The following RIMKLB variants were observed in gnomAD, a reference collection of about 807,000 sequenced individuals.
The protein encoded by RIMKLB is beta-citrylglutamate synthase B.
RIMKLB carries 7 observed loss-of-function variants against 32.0 expected under a neutral mutation model. That is an observed-to-expected ratio of 0.22 (90% CI 0.12 to 0.41). The LOEUF is 0.41. Among genes scored for constraint, RIMKLB ranks in the 10% least tolerant of loss-of-function variants. RIMKLB has a pLI of 1.00. For missense variants in RIMKLB, 289 were observed against 498.7 expected (o/e 0.58, Z 4.00); for synonymous variants, 172 against 185.1 (o/e 0.93, Z 0.57).
At chr12:8,723,895 A>G (rs1945725706) in intron 2 of RIMKLB, among the ~76,000 whole-genome samples, 1 of 144,516 alleles carries the variant, frequency 6.9e-6, no homozygotes, top group Non-Finnish European at 1.5e-5. Context: ...GCTCACTGCA[A>G]CCTCTTGCCT....
chr12:8,735,249 A>G (rs1946891461), intron 2 of RIMKLB, among the ~76,000 whole-genome samples: 1 of 151,736 alleles, frequency 6.6e-6, no homozygotes, highest in Non-Finnish European at 1.5e-5. Flanking sequence ...TTTCTTTTTT[A>G]CATGGATCCT....
chr12:8,697,282 C>CA (rs1425919546), upstream of RIMKLB: 5 of 152,200 alleles, frequency 3.3e-5, no homozygotes, highest in Non-Finnish European at 5.9e-5. Flanking sequence ...ATTTGCCTCT[C>CA]AATATACAGA....
At chr12:8,670,741 G>T in the RIMKLB span, among the ~76,000 whole-genome samples, 299 of 152,384 alleles carry the variant, frequency 2.0e-3, 1 homozygote, top group Non-Finnish European at 3.3e-3. Context: ...AGGACTTTGT[G>T]TGGGGGCTCC....
intron 2 of RIMKLB, among the ~76,000 whole-genome samples, chr12:8,726,980 A>G (rs1409856391): frequency 6.6e-6 from 1 of 152,004 alleles, no homozygotes; most frequent in African/African-American, 2.4e-5. Flanking sequence ...GTAGCTTTTT[A>G]AAGTGGTTAC....
At chr12:8,715,093 A>G (rs1400360036) in intron 2 of RIMKLB, among the ~76,000 whole-genome samples, 1 of 152,166 alleles carries the variant, frequency 6.6e-6, no homozygotes, top group East Asian at 1.9e-4. Context: ...ACTAAGTATA[A>G]TCTCTTAGCA....
At chr12:8,765,444 C>A (rs1222068606) in intron 5 of RIMKLB, among the ~76,000 whole-genome samples, 1 of 152,168 alleles carries the variant, frequency 6.6e-6, no homozygotes, top group Non-Finnish European at 1.5e-5. Flanking sequence ...TCTCGGGCTG[C>A]AGTTATGGCG....
At position 8,713,903 on chromosome 12, in the gene RIMKLB, A is replaced by G; in HGVS notation, c.37A>G (p.Thr13Ala). 6.2e-7 allele frequency: 1 copy of G among 1,614,150 alleles called. No individual in the cohort carries two copies. The highest frequency in any genetic ancestry group is 2.2e-5 in the East Asian group (1 of 44,882). The change falls in exon 2 of 6, where the codon ACA (threonine) becomes GCA (alanine). Residue 13 changes from threonine to alanine, a missense_variant. This residue lies in a region of RIMKLB where 34 missense variants were observed against 35.3 expected (regional missense o/e 0.96). Coordinates refer to ENST00000535829, the MANE Select transcript of RIMKLB (RefSeq NM_001297776.2). ...SSVAAKLWFL[T>A]DRRIREDYPQ... ...TGTGGCTGCCAAGTTGTGGTTTTTGACAGATCGTCGCATCAGGGAAGACTA... is the reference window on the plus strand; with the variant it reads ...TGTGGCTGCCAAGTTGTGGTTTTTGGCAGATCGTCGCATCAGGGAAGACTA...
chr12:8,734,884 TC>T (rs761545804), intron 2 of RIMKLB, among the ~76,000 whole-genome samples: 1 of 152,202 alleles, frequency 6.6e-6, no homozygotes, highest in Non-Finnish European at 1.5e-5. Context: ...TCTTCGATGT[TC>T]CAGTTAGCCA....
intron 1 of RIMKLB, among the ~76,000 whole-genome samples, chr12:8,688,682 T>C (rs190148300): frequency 1.1e-4 from 17 of 149,038 alleles, no homozygotes; most frequent in Admixed American, 8.7e-4. Context: ...GAAATGAGCA[T>C]TACTGTTTTT....
rs779904303 is a variant in RIMKLB, at chr12:8,771,432, A to G, written c.698-1889A>G. On this transcript the variant is annotated intron_variant, in intron 5 of 5. Coordinates refer to ENST00000535829, the MANE Select transcript of RIMKLB (RefSeq NM_001297776.2). ...TGCCCCAACATTATAACAAAAGACT[A>G]TAACAAGGGCTGTTGGAGTGATATG... Among the ~76,000 whole-genome samples, 37 of 152,298 alleles carry G rather than the reference A, an allele frequency of 2.4e-4. No individual in the cohort carries two copies. The South Asian group carries it at 2.7e-3, about 11-fold the overall frequency.
At chr12:8,716,421 A>G (rs1835573819) in intron 2 of RIMKLB, among the ~76,000 whole-genome samples, 1 of 132,020 alleles carries the variant, frequency 7.6e-6, no homozygotes, top group African/African-American at 2.9e-5. Context: ...TAGCCTTACC[A>G]TTAACATGTC....
intron 5 of RIMKLB, among the ~76,000 whole-genome samples, chr12:8,770,699 C>T (rs890549624): frequency 4.6e-5 from 7 of 152,162 alleles, no homozygotes; most frequent in African/African-American, 1.7e-4. Context: ...ACATGGAACA[C>T]TTATTTGACC....
chr12:8,747,115 C>G (rs747081869), intron 2 of RIMKLB, among the ~76,000 whole-genome samples: 30 of 152,182 alleles, frequency 2.0e-4, no homozygotes, highest in Admixed American at 7.2e-4. Context: ...TGCTTCTGGT[C>G]CCTACTATAC....
intron 1 of RIMKLB, among the ~76,000 whole-genome samples, chr12:8,704,424 A>G (rs1943669791): frequency 6.6e-6 from 1 of 152,156 alleles, no homozygotes; most frequent in African/African-American, 2.4e-5. Context: ...ATGGCATTTT[A>G]TAAACTCAGA....
In RIMKLB at chr12:8,736,104, T is replaced by C. The variant is rs533080183; in HGVS notation, c.176-13758T>C. ...AACCAATTTTGTTACAACTGAAAGATTTCTTCCTCACATGGTAGTGTTTTC... is the reference window on the plus strand; with the variant it reads ...AACCAATTTTGTTACAACTGAAAGACTTCTTCCTCACATGGTAGTGTTTTC... On this transcript the variant is annotated intron_variant, in intron 2 of 5. Transcript: ENST00000535829. 1.1e-3 allele frequency among the ~76,000 whole-genome samples: 167 copies of C among 152,332 alleles called. 1 individual carries two copies. The highest frequency in any genetic ancestry group is 1.8e-3 in the Admixed American group (27 of 15,294).
Position 8,773,522 on chromosome 12 carries a change from C to G in RIMKLB, c.899C>G (p.Ala300Gly). ...AATCTAGATGTAGCTGGTATCATAG[C>G]AGACTATGCCGCCTCCCTTCTACCC... ...ACNLDVAGII[A>G]DYAASLLPSG... The change falls in exon 6 of 6, where the codon GCA (alanine) becomes GGA (glycine). Residue 300 changes from alanine (A) to glycine (G), a missense_variant. Ala to Gly is a moderately conservative substitution (Grantham distance 60). Around this residue, in one of 3 missense-constraint regions of RIMKLB, gnomAD observed 99 missense variants for 133.9 expected, o/e 0.74. Coordinates refer to ENST00000535829, the MANE Select transcript of RIMKLB (RefSeq NM_001297776.2). The G allele has an allele frequency of 6.2e-7, 1 of 1,614,236 alleles. No homozygotes were observed. The highest frequency in any genetic ancestry group is 8.5e-7 in the Non-Finnish European group (1 of 1,180,030).
intron 2 of RIMKLB, among the ~76,000 whole-genome samples, chr12:8,715,499 C>T (rs1043087161): frequency 2.0e-5 from 3 of 152,162 alleles, no homozygotes; most frequent in East Asian, 3.8e-4. Context: ...GCTGAGATTA[C>T]AGGCATGAGG....
At chr12:8,738,565 T>C (rs1244851319) in intron 2 of RIMKLB, among the ~76,000 whole-genome samples, 1 of 152,238 alleles carries the variant, frequency 6.6e-6, no homozygotes, top group Admixed American at 6.5e-5. Context: ...TGTTTTCTTC[T>C]TGACTATTCA....
At chr12:8,744,000 G>C (rs1947838912) in intron 2 of RIMKLB, among the ~76,000 whole-genome samples, 1 of 151,980 alleles carries the variant, frequency 6.6e-6, no homozygotes, top group Non-Finnish European at 1.5e-5. Flanking sequence ...TGGAATACAT[G>C]TTTTTACAAT....
Sources: gnomAD v4.1 joint callset for allele counts (sites outside exome capture counted in the v4.1 genomes callset) on GRCh38, gnomAD v4.1.1 for gene constraint, gnomAD v4.1.1 regional missense constraint, MANE v1.5 for transcripts, NCBI Gene and HGNC (gene_info 2026-07-23, HGNC 2026-07-21) for gene names.